The following RUFY3 variants were observed in gnomAD, a reference collection of about 807,000 sequenced individuals.
RUFY3 encodes RUN and FYVE domain containing 3.
RUFY3 carries 34 observed loss-of-function variants against 84.0 expected under a neutral mutation model. The ratio of observed to expected loss-of-function variants is 0.40; its 90% confidence interval spans 0.31 to 0.54. The LOEUF (loss-of-function observed/expected upper bound fraction) is 0.54. RUFY3 is among the 20% of genes least tolerant of loss of function. The pLI, the probability that RUFY3 is intolerant of heterozygous loss-of-function variation, is 0.39. For synonymous variants in RUFY3, 242 were observed against 252.9 expected, an observed-to-expected ratio of 0.96 and a Z score of 0.41; for missense variants, 507 against 736.8, an observed-to-expected ratio of 0.69 and a Z score of 3.61.
intron 5 of RUFY3, among the ~76,000 whole-genome samples, chr4:70,771,122 T>A (rs552319101): frequency 6.6e-6 from 1 of 152,210 alleles, no homozygotes; most frequent in East Asian, 1.9e-4. Flanking sequence ...TCATAGCAGA[T>A]GTAATAATAA....
intron 15 of RUFY3, among the ~76,000 whole-genome samples, chr4:70,802,044 A>G (rs1334130182): frequency 6.6e-6 from 1 of 152,234 alleles, no homozygotes; most frequent in Non-Finnish European, 1.5e-5. Flanking sequence ...ATGATTCAGT[A>G]TTCCTTACAA....
At chr4:70,726,103 T>C (rs769498683) in intron 1 of RUFY3, among the ~76,000 whole-genome samples, 1 of 152,126 alleles carries the variant, frequency 6.6e-6, no homozygotes, top group Non-Finnish European at 1.5e-5. Context: ...ACTTTTAAAA[T>C]GGTCTGGGTA....
At chr4:70,757,461 G>A (rs1049325886) in intron 1 of RUFY3, among the ~76,000 whole-genome samples, 16 of 151,902 alleles carry the variant, frequency 1.1e-4, no homozygotes, top group African/African-American at 3.4e-4. Context: ...AAAACTAGCC[G>A]CACGTGGTGG....
chr4:70,785,354 T>A (rs1000013352), intron 10 of RUFY3, among the ~76,000 whole-genome samples: 2 of 151,592 alleles, frequency 1.3e-5, no homozygotes, highest in African/African-American at 4.8e-5. Flanking sequence ...TTTTAGAAAT[T>A]AAAAAAAATA....
At chr4:70,786,024 A>AT (rs559959062) in intron 10 of RUFY3, among the ~76,000 whole-genome samples, 9 of 152,200 alleles carry the variant, frequency 5.9e-5, no homozygotes, top group Non-Finnish European at 1.3e-4. Flanking sequence ...ACTTGAATGG[A>AT]TAAAGAAAGC....
intron 12 of RUFY3, chr4:70,791,198 C>T: frequency 6.3e-7 from 1 of 1,592,414 alleles, no homozygotes; most frequent in Non-Finnish European, 8.6e-7. Context: ...TCTCCTTTCA[C>T]TTCATTGTCA....
At chr4:70,774,665 AT>A (rs1727611989) in intron 6 of RUFY3, among the ~76,000 whole-genome samples, 1 of 136,152 alleles carries the variant, frequency 7.3e-6, no homozygotes, top group African/African-American at 2.8e-5. Context: ...ATATATATAT[AT>A]ATATAAAATA....
intron 1 of RUFY3, among the ~76,000 whole-genome samples, chr4:70,744,682 TTCGC>T (rs1164388784): frequency 2.0e-5 from 3 of 150,914 alleles, no homozygotes; most frequent in Non-Finnish European, 3.0e-5. Context: ...GAGATGGAGT[TTCGC>T]TCTTGTTGCC....
intron 1 of RUFY3, among the ~76,000 whole-genome samples, chr4:70,746,752 A>G (rs1722298587): frequency 6.6e-6 from 1 of 152,224 alleles, no homozygotes; most frequent in South Asian, 2.1e-4. Context: ...AACAACCTGA[A>G]TGATTCTTCG....
At chr4:70,749,844 G>GCT (rs1722849724) in intron 1 of RUFY3, among the ~76,000 whole-genome samples, 1 of 151,580 alleles carries the variant, frequency 6.6e-6, no homozygotes, top group Non-Finnish European at 1.5e-5. Flanking sequence ...ATGGAGAGGG[G>GCT]GTCTCACCTT....
intron 1 of RUFY3, among the ~76,000 whole-genome samples, chr4:70,737,372 T>A (rs1720485754): frequency 2.0e-5 from 3 of 152,210 alleles, no homozygotes; most frequent in Admixed American, 2.0e-4. Context: ...CATGCTGGGA[T>A]TTCCTTTTTC....
chr4:70,789,241 C>G (rs150507019), intron 11 of RUFY3, among the ~76,000 whole-genome samples: 5 of 152,082 alleles, frequency 3.3e-5, no homozygotes, highest in Non-Finnish European at 7.4e-5. Flanking sequence ...TGCAGTCTAC[C>G]GTGCCAGCTA....
At chr4:70,788,503 C>T (rs1223472601) in intron 10 of RUFY3, among the ~76,000 whole-genome samples, 2 of 151,942 alleles carry the variant, frequency 1.3e-5, no homozygotes, top group African/African-American at 2.4e-5. Context: ...CATCAGTTGT[C>T]GTAATATCTA....
chr4:70,737,879 G>A (rs149703374), intron 1 of RUFY3, among the ~76,000 whole-genome samples: 11 of 151,554 alleles, frequency 7.3e-5, no homozygotes, highest in Non-Finnish European at 1.2e-4. Flanking sequence ...ACACCATGTT[G>A]CCAGGCTGGT....
At chr4:70,706,055 T>C (rs550032446) in intron 1 of RUFY3, among the ~76,000 whole-genome samples, 4 of 152,336 alleles carry the variant, frequency 2.6e-5, no homozygotes, top group African/African-American at 9.6e-5. Context: ...CCGTGCTGTA[T>C]TTTTTATTAG....
At chr4:70,800,889 A>G (rs561494227) in intron 15 of RUFY3, among the ~76,000 whole-genome samples, 6 of 152,264 alleles carry the variant, frequency 3.9e-5, no homozygotes, top group Admixed American at 1.3e-4. Flanking sequence ...CTCAAATAAA[A>G]AAAAAAGTTC....
chr4:70,784,758 A>T, intron 9 of RUFY3, 38 bp from the exon 10 acceptor site: 1 of 1,439,836 alleles, frequency 6.9e-7, no homozygotes, highest in Non-Finnish European at 9.4e-7. Flanking sequence ...GTATAGATTA[A>T]ATCCTTAAAT....
At chr4:70,798,967 T>G (rs1172291608) in intron 14 of RUFY3, among the ~76,000 whole-genome samples, 1 of 150,386 alleles carries the variant, frequency 6.6e-6, no homozygotes, top group Non-Finnish European at 1.5e-5. Context: ...CTGGCCAACA[T>G]GGTGAAACCC....
chr4:70,708,230 A>G (rs6832504), intron 1 of RUFY3, among the ~76,000 whole-genome samples: 13,482 of 152,254 alleles, frequency 0.089, 1,410 homozygotes, highest in African/African-American at 0.23. Context: ...AGAGTGCAGC[A>G]GTACAATCTG....
Sources: gnomAD v4.1 joint callset for allele counts (sites outside exome capture counted in the v4.1 genomes callset) on GRCh38, gnomAD v4.1.1 for gene constraint, MANE v1.5 for transcripts, NCBI Gene and HGNC (gene_info 2026-07-23, HGNC 2026-07-21) for gene names.